STS: variants seen among roughly 807,000 people sequenced by gnomAD.
STS encodes the protein steryl-sulfatase.
A neutral mutation model predicts 26.8 loss-of-function variants in STS; 7 were observed. The ratio of observed to expected loss-of-function variants is 0.26; its 90% CI spans 0.15 to 0.49. STS has a LOEUF of 0.49. Among genes scored for constraint, STS ranks in the 20% least tolerant of loss-of-function variants. STS has a pLI of 0.98. For missense variants in STS, 434 were observed against 465.6 expected (o/e 0.93, Z 0.63); for synonymous variants, 199 against 189.4 (o/e 1.05, Z -0.42).
intron 1 of STS, among the ~76,000 whole-genome samples, chrX:7,183,299 A>G (rs1205455449): frequency 2.7e-5 from 3 of 111,892 alleles, no homozygotes; most frequent in Non-Finnish European, 5.6e-5. Flanking sequence ...AAATCCAGCA[A>G]ATGTTTAGTA....
chrX:7,312,949 T>A (rs1169306702), intron 8 of STS, among the ~76,000 whole-genome samples: 1 of 112,274 alleles, frequency 8.9e-6, no homozygotes, highest in Non-Finnish European at 1.9e-5. Flanking sequence ...CCTTAAGATT[T>A]TCTTTTAGTT....
At chrX:7,229,945 C>A (rs1921986764) in intron 2 of STS, among the ~76,000 whole-genome samples, 1 of 110,589 alleles carries the variant, frequency 9.0e-6, no homozygotes, top group South Asian at 3.9e-4. Flanking sequence ...CTGGTGTGAT[C>A]ATGGTTCACT....
chrX:7,282,382 G>A (rs750041966), intron 7 of STS, among the ~76,000 whole-genome samples: 9 of 111,640 alleles, frequency 8.1e-5, no homozygotes, highest in Non-Finnish European at 1.5e-4. Flanking sequence ...TTTATTTTTT[G>A]TAGAGACAAG....
In STS at chrX:7,350,690, A is replaced by G. The variant is rs1335535365; in HGVS notation, c.*429A>G. ...TTTACTCTATAATCTGCAGTGATGC[A>G]ATAACCAGCATAATAAAAAGGCAAT... On this transcript the variant is annotated 3_prime_UTR_variant, in exon 11 of 11. Transcript: ENST00000674429. The G allele has an allele frequency of 1.6e-5, 2 of 127,987 alleles. No individual in the cohort carries two copies. The highest frequency in any genetic ancestry group is 6.3e-5 in the African/African-American group (2 of 31,622). 10.5% of individuals were successfully genotyped at this position (127,987 alleles called of 1,213,427 possible).
rs1034643591 is a variant in STS at position 7,314,080 on chromosome X, C to T, written c.1081+8897C>T. 7.2e-5 allele frequency among the ~76,000 whole-genome samples: 8 copies of T among 111,595 alleles called. No homozygotes were observed. In the East Asian group the frequency reaches 8.4e-4, roughly 12 times the overall value. Reference sequence around the variant, plus strand: ...TTCTAGGGATGAAAATGTAGCTGGGCGCAGTGGCTTATACCTGTAATTTCA... The same window carrying T: ...TTCTAGGGATGAAAATGTAGCTGGGTGCAGTGGCTTATACCTGTAATTTCA... On this transcript the variant is annotated intron_variant, in intron 8 of 10. Transcript: ENST00000674429.
intron 6 of STS, among the ~76,000 whole-genome samples, chrX:7,265,075 A>G (rs1923940979): frequency 9.9e-6 from 1 of 101,519 alleles, no homozygotes; most frequent in African/African-American, 3.7e-5. Flanking sequence ...TAATTTCATG[A>G]TGTATCAATG....
intron 1 of STS, among the ~76,000 whole-genome samples, chrX:7,177,804 C>A (rs1933602656): frequency 9.0e-6 from 1 of 110,882 alleles, no homozygotes; most frequent in African/African-American, 3.3e-5. Context: ...AGCCACCATG[C>A]CCAGCCTTAA....
At chrX:7,191,064 C>T (rs1228182324) in intron 2 of STS, 56 bp downstream of exon 2, 1 of 661,361 alleles carries the variant, frequency 1.5e-6, no homozygotes, top group African/African-American at 2.4e-5. Context: ...AAGTGTTTGA[C>T]TCACCCAGAC....
rs1335010485 is a variant in STS at position 7,326,413 on chromosome X, G to C, written c.1241+915G>C. Among the ~76,000 whole-genome samples, 21 of 111,579 alleles carry C rather than the reference G, an allele frequency of 1.9e-4. 1 individual carries two copies. Among genetic ancestry groups the C allele is most frequent in the Admixed American group, 1.2e-3 (13 of 10,496 alleles). ...CTTCTCGTCTGTTCACCCCACCGTAGCTTGCCATTGTGCAGCTTGGCCACA... is the reference window on the plus strand; with the variant it reads ...CTTCTCGTCTGTTCACCCCACCGTACCTTGCCATTGTGCAGCTTGGCCACA... On this transcript the variant is annotated intron_variant, in intron 9 of 10. Coordinates refer to ENST00000674429, the MANE Select transcript of STS (RefSeq NM_001320752.2).
intron 2 of STS, among the ~76,000 whole-genome samples, chrX:7,205,281 AATGTAATTAT>A (rs1934187709): frequency 8.9e-6 from 1 of 112,416 alleles, no homozygotes; most frequent in South Asian, 3.7e-4. Flanking sequence ...AAAGAATGGG[AATGTAATTAT>A]TGCAATTATT....
intron 10 of STS, among the ~76,000 whole-genome samples, chrX:7,344,699 A>G (rs1465584424): frequency 9.0e-6 from 1 of 111,647 alleles, no homozygotes; most frequent in African/African-American, 3.3e-5. Flanking sequence ...AAGGAGGTGT[A>G]GTCTTGTTTT....
intron 2 of STS, among the ~76,000 whole-genome samples, chrX:7,229,894 G>T (rs753305300): frequency 9.2e-6 from 1 of 108,671 alleles, no homozygotes; most frequent in Non-Finnish European, 1.9e-5. Flanking sequence ...GTCGGGGGGC[G>T]GGGGGACAGG....
intron 6 of STS, 87 bp downstream of exon 6, chrX:7,259,859 G>T: frequency 9.5e-7 from 1 of 1,056,798 alleles, no homozygotes; most frequent in Non-Finnish European, 1.3e-6. Flanking sequence ...ACAGGGTTTT[G>T]TTGTTGTTGT....
At chrX:7,178,082 C>T (rs1182823963) in intron 1 of STS, among the ~76,000 whole-genome samples, 1 of 111,976 alleles carries the variant, frequency 8.9e-6, no homozygotes, top group African/African-American at 3.2e-5. Context: ...AGCCACCATG[C>T]CCACAATAGA....
chrX:7,324,826 T>C (rs1333783580), intron 8 of STS, among the ~76,000 whole-genome samples: 3 of 111,795 alleles, frequency 2.7e-5, no homozygotes, highest in African/African-American at 9.8e-5. Flanking sequence ...AACCCTATGA[T>C]TATATTAGAT....
intron 2 of STS, among the ~76,000 whole-genome samples, chrX:7,232,504 G>A (rs1160166928): frequency 9.0e-6 from 1 of 111,596 alleles, no homozygotes; most frequent in Admixed American, 9.5e-5. Flanking sequence ...TTTTAGCCAA[G>A]GGGAAGAGGC....
intron 2 of STS, among the ~76,000 whole-genome samples, chrX:7,231,051 C>G: frequency 9.0e-6 from 1 of 111,623 alleles, no homozygotes; most frequent in Non-Finnish European, 1.9e-5. Context: ...GGTGTGAATG[C>G]TCATAGTGGC....
At chrX:7,153,544 CTCTT>C (rs766958405) in intron 1 of STS, among the ~76,000 whole-genome samples, 131 of 101,973 alleles carry the variant, frequency 1.3e-3, no homozygotes, top group Non-Finnish European at 1.6e-3. Flanking sequence ...TCCTCCTTCT[CTCTT>C]TTCCTGTCTT....
chrX:7,285,245 A>G (rs999461653), intron 7 of STS, among the ~76,000 whole-genome samples: 5 of 111,744 alleles, frequency 4.5e-5, no homozygotes, highest in Admixed American at 2.9e-4. Flanking sequence ...CTTACATACT[A>G]TGCTATTCTT....
Sources: allele counts gnomAD v4.1 joint callset (sites outside exome capture counted in the v4.1 genomes callset), GRCh38; gene constraint gnomAD v4.1.1; transcripts MANE v1.5; gene names NCBI Gene and HGNC (gene_info 2026-07-23, HGNC 2026-07-21).